The following FCMR variants were observed in gnomAD, a reference collection of about 807,000 sequenced individuals.
The protein encoded by FCMR is immunoglobulin mu Fc receptor.
Under a neutral mutation model 41.6 loss-of-function variants are expected in FCMR, and 34 were observed. The ratio of observed to expected loss-of-function variants is 0.82; its 90% CI spans 0.62 to 1.09. The LOEUF is 1.09. FCMR is among the 50% of genes least tolerant of loss of function. The pLI, the probability that FCMR is intolerant of heterozygous loss-of-function variation, is 0.00. For missense variants in FCMR, 496 were observed against 512.5 expected (o/e 0.97, Z 0.31); for synonymous variants, 209 against 211.8 (o/e 0.99, Z 0.12).
In FCMR at chr1:206,913,869, A is replaced by G; in HGVS notation, c.263T>C (p.Leu88Pro). ...LKQYPRKNLF[L>P]VEVTQLTESD... Reference sequence around the variant, plus strand: ...TTCTGTCAGCTGTGTTACCTCCACTAGGAACAGATTCTTGCGTGGGTATTG... The same window carrying G: ...TTCTGTCAGCTGTGTTACCTCCACTGGGAACAGATTCTTGCGTGGGTATTG... The change falls in exon 2 of 8, where the codon CTA (leucine) becomes CCA (proline). Residue 88 changes from leucine to proline, a missense_variant. By Grantham distance (98) the Leu-to-Pro change is moderately conservative. Transcript: ENST00000367091. 1 of 1,614,230 alleles carries G rather than the reference A, an allele frequency of 6.2e-7. No individual in the cohort carries two copies. The highest frequency in any genetic ancestry group is 8.5e-7 in the Non-Finnish European group (1 of 1,180,028).
intron 5 of FCMR, 167 bp from the exon 6 acceptor site, chr1:206,910,035 A>T: frequency 8.9e-7 from 1 of 1,119,244 alleles, no homozygotes; most frequent in East Asian, 3.0e-5. Flanking sequence ...CCTGAAGACC[A>T]AAGGGCCCAG....
At position 206,911,918 on chromosome 1, in the gene FCMR, T is replaced by G. The variant is rs1678959996; in HGVS notation, c.522A>C (p.Pro174=). The change falls in exon 4 of 8, where the codon CCA becomes CCC. Residue 174 remains proline, a synonymous_variant. Transcript: ENST00000367091. ...TTPAQRGKVP[P]VHHSSPTTQI... Reference sequence around the variant, plus strand: ...GGGTGGTGGGGGAGGAGTGGTGAACTGGAGGGACCTTGCCCCTTTGAGCTG... The same window carrying G: ...GGGTGGTGGGGGAGGAGTGGTGAACGGGAGGGACCTTGCCCCTTTGAGCTG... The G allele has an allele frequency of 6.2e-7, 1 of 1,606,536 alleles. No individual in the cohort carries two copies. Among genetic ancestry groups the G allele is most frequent in the East Asian group, 2.2e-5 (1 of 44,834 alleles).
chr1:206,908,021 T>C (rs1307951054), intron 7 of FCMR: 16 of 1,376,118 alleles, frequency 1.2e-5, no homozygotes, highest in Middle Eastern at 2.5e-4. Context: ...ACAAGAAAGT[T>C]TGCCTATCTG....
chr1:206,918,650 A>AGTGTGTGT (rs10652847), intron 1 of FCMR, among the ~76,000 whole-genome samples: 16,381 of 145,862 alleles, frequency 0.11, 1,125 homozygotes, highest in Non-Finnish European at 0.17. Context: ...ATAAATTTTA[A>AGTGTGTGT]GTGTGTGTGT....
chr1:206,923,051 G>T, upstream of FCMR: 1 of 152,386 alleles, frequency 6.6e-6, no homozygotes, highest in Non-Finnish European at 1.5e-5. Context: ...TCAGGGCTCT[G>T]TTCCTGGAAG....
chr1:206,915,588 A>G (rs1679156911), intron 1 of FCMR, among the ~76,000 whole-genome samples: 1 of 152,190 alleles, frequency 6.6e-6, no homozygotes, highest in African/African-American at 2.4e-5. Flanking sequence ...GAAGAGGGTA[A>G]GGCCGTGTCT....
chr1:206,920,485 G>A (rs1044793149), intron 1 of FCMR, among the ~76,000 whole-genome samples: 2 of 151,196 alleles, frequency 1.3e-5, no homozygotes, highest in African/African-American at 4.9e-5. Context: ...GAAGGTGAGA[G>A]GAAGGGTGTT....
chr1:206,908,785 C>T (rs1678790372), intron 7 of FCMR, among the ~76,000 whole-genome samples: 1 of 152,054 alleles, frequency 6.6e-6, no homozygotes, highest in Non-Finnish European at 1.5e-5. Flanking sequence ...CTGGGCTCTG[C>T]GTGTTTTGGA....
At chr1:206,906,962 T>C (rs747171750) in intron 7 of FCMR, among the ~76,000 whole-genome samples, 13 of 151,596 alleles carry the variant, frequency 8.6e-5, no homozygotes, top group Non-Finnish European at 1.5e-4. Context: ...GTACAAAATA[T>C]ATCAAAATTC....
At position 206,910,311 on chromosome 1, in the gene FCMR, C is replaced by G. The variant is rs1678879389; in HGVS notation, c.740G>C (p.Arg247Thr). The G allele has an allele frequency of 1.9e-6, 3 of 1,571,600 alleles. No individual in the cohort carries two copies. The South Asian group carries it at 3.5e-5, about 19-fold the overall frequency. Residue 247 changes from arginine (R) to threonine (T), a missense_variant, in exon 5 of 8, where the codon AGG becomes ACG. Physicochemically the swap from Arg to Thr is moderately conservative, Grantham distance 71. Transcript: ENST00000367091. ...RALDYGSQSG[R>T]EGQGFHILIP... The stretch of plus-strand genomic sequence containing the variant: ...CAGGATGTGAAATCCTTGGCCTTCC[C>G]TCCCAGACTGTGAGCCATAGTCCAG...
chr1:206,908,735 A>C (rs964588106), intron 7 of FCMR, among the ~76,000 whole-genome samples: 2 of 152,074 alleles, frequency 1.3e-5, no homozygotes, highest in African/African-American at 2.4e-5. Flanking sequence ...GAAAAAAAAA[A>C]CAGGGATTTT....
chr1:206,909,627 G>A lies in FCMR; in HGVS notation c.985+98C>T. ...GCCCCACTCCCAGCTCCACCCTGTG[G>A]GAAGCCCTGGCACCTGGGAGCGCGC... On this transcript the variant is annotated intron_variant, in intron 6 of 7. Transcript: ENST00000367091. The surrounding 1 kb of genome is among the most constrained non-coding windows in gnomAD (Gnocchi z 5.0). 7.6e-7 allele frequency: 1 copy of A among 1,316,096 alleles called. No individual in the cohort carries two copies. Among genetic ancestry groups the A allele is most frequent in the South Asian group, 1.9e-5 (1 of 53,496 alleles). 81.5% of individuals were successfully genotyped at this position (1,316,096 alleles called of 1,614,324 possible). A position where few individuals can be genotyped will look rare whatever the true frequency, so the allele number is the denominator to read the frequency against.
intron 7 of FCMR, among the ~76,000 whole-genome samples, chr1:206,906,779 G>C (rs1325559251): frequency 6.6e-6 from 1 of 151,846 alleles, no homozygotes; most frequent in Non-Finnish European, 1.5e-5. Context: ...TGTGGTCACA[G>C]GGCAGTTTTA....
chr1:206,914,403 C>T (rs1679097040), intron 1 of FCMR, among the ~76,000 whole-genome samples: 1 of 132,306 alleles, frequency 7.6e-6, no homozygotes, highest in African/African-American at 3.2e-5. Flanking sequence ...TTTTCTCTTT[C>T]TTTCTTTCCT....
Position 206,909,378 on chromosome 1 carries a change from G to T in FCMR, c.1044+84C>A. ...CTCCGGATCGCGGCGGCGGCGGCGCGGGAAGCCACACTCGGGTCCCCGCCC... is the reference window on the plus strand; with the variant it reads ...CTCCGGATCGCGGCGGCGGCGGCGCTGGAAGCCACACTCGGGTCCCCGCCC... On this transcript the variant is annotated intron_variant, in intron 7 of 7. Transcript: ENST00000367091. The surrounding 1 kb of genome is among the most constrained non-coding windows in gnomAD (Gnocchi z 5.0). 1 of 803,168 alleles carries T rather than the reference G, an allele frequency of 1.2e-6. No individual in the cohort carries two copies. Among genetic ancestry groups the T allele is most frequent in the African/African-American group, 1.8e-5 (1 of 56,396 alleles). 49.8% of individuals were successfully genotyped at this position (803,168 alleles called of 1,614,324 possible).
chr1:206,906,447 C>G (rs1678649073), intron 7 of FCMR: 1 of 158,420 alleles, frequency 6.3e-6, no homozygotes, highest in African/African-American at 2.4e-5. Flanking sequence ...AAAAAGTGAG[C>G]AAGTCCTTTG....
At chr1:206,918,762 G>T (rs977561829) in intron 1 of FCMR, among the ~76,000 whole-genome samples, 5 of 151,144 alleles carry the variant, frequency 3.3e-5, no homozygotes, top group African/African-American at 1.2e-4. Flanking sequence ...AAGGTAAAAA[G>T]GTTTGAAAGC....
chr1:206,914,139 T>A, intron 1 of FCMR, 45 bp from the exon 2 acceptor site: 2 of 1,464,422 alleles, frequency 1.4e-6, no homozygotes, highest in Non-Finnish European at 1.9e-6. Context: ...CATCTCTAAC[T>A]ATATCCCAGC....
At chr1:206,910,536 C>G (rs1234389589) in intron 4 of FCMR, among the ~76,000 whole-genome samples, 196 bp from the exon 5 acceptor site, 1 of 152,204 alleles carries the variant, frequency 6.6e-6, no homozygotes, top group Non-Finnish European at 1.5e-5. Flanking sequence ...CATATTCCGC[C>G]TTTTACTGGT....
Sources: gnomAD v4.1 joint callset for allele counts (sites outside exome capture counted in the v4.1 genomes callset) on GRCh38, gnomAD v4.1.1 for gene constraint, Gnocchi (gnomAD v3.1) non-coding constraint, MANE v1.5 for transcripts, NCBI Gene and HGNC (gene_info 2026-07-23, HGNC 2026-07-21) for gene names.